MARK4: variants seen among roughly 807,000 people sequenced by gnomAD.
MARK4 encodes the protein MAP/microtubule affinity-regulating kinase 4.
In MARK4, 19 loss-of-function variants were observed where a neutral mutation model predicts 81.5. That is an observed-to-expected ratio of 0.23 (90% CI 0.16 to 0.34). MARK4 has a LOEUF of 0.34. Ranked by LOEUF, MARK4 falls within the 10% of genes least tolerant of loss-of-function variation. The pLI, the probability that MARK4 is intolerant of heterozygous loss-of-function variation, is 1.00. For synonymous variants in MARK4, 436 were observed against 439.0 expected (o/e 0.99, Z 0.08); for missense variants, 772 against 1,058.8 (o/e 0.73, Z 3.76).
rs1160019165 is a variant in MARK4 at position 45,271,435 on chromosome 19, G to A, written c.550-37G>A. On this transcript the variant is annotated intron_variant, in intron 7 of 16. Coordinates refer to ENST00000262891, the MANE Select transcript of MARK4 (RefSeq NM_001199867.2). The surrounding 1 kb of genome is among the most constrained non-coding windows in gnomAD (Gnocchi z 4.1). ...CACGTCCATGAAAGGCTTTGGCCTTGAGTCCCACTTTCCGCCCTCTCCTTC... is the reference window on the plus strand; with the variant it reads ...CACGTCCATGAAAGGCTTTGGCCTTAAGTCCCACTTTCCGCCCTCTCCTTC... The A allele has an allele frequency of 6.2e-7, 1 of 1,600,330 alleles. No individual in the cohort carries two copies. The highest frequency in any genetic ancestry group is 8.5e-7 in the Non-Finnish European group (1 of 1,170,548).
chr19:45,259,278 G>A (rs1970350341), intron 2 of MARK4, 89 bp downstream of exon 2: 1 of 1,458,836 alleles, frequency 6.9e-7, no homozygotes, highest in South Asian at 1.3e-5. Context: ...ATTGGCCCTG[G>A]GTTTGCTTTG....
At chr19:45,266,518 C>A (rs1970456127) in intron 7 of MARK4, among the ~76,000 whole-genome samples, 1 of 151,966 alleles carries the variant, frequency 6.6e-6, no homozygotes, top group Admixed American at 6.6e-5. Flanking sequence ...GTGAACAAAG[C>A]AGGGAGAAAC....
intron 8 of MARK4, among the ~76,000 whole-genome samples, chr19:45,276,326 C>T (rs1970597146): frequency 6.6e-6 from 1 of 152,202 alleles, no homozygotes; most frequent in Non-Finnish European, 1.5e-5. Context: ...CACGCCTGGC[C>T]TATTGCGGTT....
Position 45,301,692 on chromosome 19 carries a change from C to T in MARK4, c.1923-682C>T, listed in dbSNP as rs140445431. Among the ~76,000 whole-genome samples the T allele has an allele frequency of 8.8e-3, 1,337 of 151,220 alleles. 23 individuals are homozygous for T. The highest frequency in any genetic ancestry group is 0.058 in the East Asian group (298 of 5,158). On this transcript the variant is annotated intron_variant, in intron 16 of 16. Coordinates refer to ENST00000262891, the MANE Select transcript of MARK4 (RefSeq NM_001199867.2). ...TGGCTGACACGGTGAAACCGTGTCT[C>T]TACTAAAAATACAAAAATTAGCTGG...
chr19:45,297,991 G>A (rs760215944), intron 15 of MARK4, 37 bp downstream of exon 15: 27 of 1,548,752 alleles, frequency 1.7e-5, no homozygotes, highest in South Asian at 1.3e-4. Flanking sequence ...AGGGCGGGGC[G>A]GGGGGCCGAT....
chr19:45,268,051 C>T (rs1970478687), intron 7 of MARK4, among the ~76,000 whole-genome samples: 2 of 152,104 alleles, frequency 1.3e-5, no homozygotes, highest in East Asian at 1.9e-4. Context: ...CCGCCTTGGC[C>T]TCCCAAAGTG....
intron 12 of MARK4, 54 bp from the exon 13 acceptor site, chr19:45,287,393 T>A: frequency 8.2e-7 from 1 of 1,223,280 alleles, no homozygotes; most frequent in Non-Finnish European, 1.1e-6. Flanking sequence ...TCCCCCAGAG[T>A]CAGTTCTGGG....
At chr19:45,252,096 T>TGGGGCTG (rs1970251284) in intron 1 of MARK4, among the ~76,000 whole-genome samples, 1 of 151,884 alleles carries the variant, frequency 6.6e-6, no homozygotes, top group Non-Finnish European at 1.5e-5. Flanking sequence ...CTTCCCTGTC[T>TGGGGCTG]GGGGCTGGGT....
intron 8 of MARK4, among the ~76,000 whole-genome samples, chr19:45,274,106 G>A (rs931510182): frequency 3.3e-5 from 5 of 152,024 alleles, no homozygotes; most frequent in Admixed American, 6.6e-5. Context: ...AAAATTAGCC[G>A]GGCGTGGTGG....
At chr19:45,292,445 G>C (rs1358876613) in intron 13 of MARK4, among the ~76,000 whole-genome samples, 1 of 152,198 alleles carries the variant, frequency 6.6e-6, no homozygotes, top group Admixed American at 6.5e-5. Flanking sequence ...GGGTCATTGT[G>C]AGGATCTTGT....
At chr19:45,287,773 T>C (rs762890806) in intron 13 of MARK4, 109 bp downstream of exon 13, 24 of 1,229,020 alleles carry the variant, frequency 2.0e-5, no homozygotes, top group Admixed American at 2.0e-5. Flanking sequence ...ACCAACTCCT[T>C]CTTCTACCCA....
chr19:45,266,038 G>A (rs915525894), intron 6 of MARK4, among the ~76,000 whole-genome samples, 187 bp from the exon 7 acceptor site: 5 of 151,926 alleles, frequency 3.3e-5, no homozygotes, highest in African/African-American at 1.2e-4. Flanking sequence ...GGTGTCCTGG[G>A]GGAGACGTGT....
At chr19:45,291,259 G>T (rs946774721) in intron 13 of MARK4, among the ~76,000 whole-genome samples, 2 of 152,194 alleles carry the variant, frequency 1.3e-5, no homozygotes, top group African/African-American at 4.8e-5. Flanking sequence ...CAATGGGTGG[G>T]ATTTGTAGGA....
At chr19:45,282,247 G>T (rs74478524) in intron 12 of MARK4, among the ~76,000 whole-genome samples, 1 of 149,128 alleles carries the variant, frequency 6.7e-6, no homozygotes. Context: ...AAAAAAAAAG[G>T]ATACACACCA....
At chr19:45,254,840 C>T (rs1159390475) in intron 1 of MARK4, among the ~76,000 whole-genome samples, 1 of 152,214 alleles carries the variant, frequency 6.6e-6, no homozygotes, top group Non-Finnish European at 1.5e-5. Context: ...TGGGCTACTG[C>T]AGGAATTAAG....
chr19:45,259,203 C>G lies in MARK4; in HGVS notation c.252+14C>G. On this transcript the variant is annotated intron_variant, in intron 2 of 16. Transcript: ENST00000262891. ...ACTGGTCGGGAGGTGAGTATGGGCA[C>G]AGGGTGGGGCTCGGGGCAGGTCCCT... 21 of 1,613,154 alleles carry G rather than the reference C, an allele frequency of 1.3e-5. No homozygotes were observed. Among genetic ancestry groups the G allele is most frequent in the Non-Finnish European group, 1.7e-5 (20 of 1,179,696 alleles).
rs58592372 is a variant in MARK4 at position 45,277,823 on chromosome 19, TTGTGTGTGTGTGTGTGTG to T, written c.787-70_787-53del. ...TCTATCAAAGGGGTTGGGACAAAGG[TTGTGTGTGTGTGTGTGTG>T]TGTGTGTGTGTGTGTGTGTGTGTGT... is the stretch of plus-strand genomic sequence containing the variant. On this transcript the variant is annotated intron_variant, in intron 8 of 16. Coordinates refer to ENST00000262891, the MANE Select transcript of MARK4 (RefSeq NM_001199867.2). 3.6e-3 allele frequency: 2,645 copies of T among 735,412 alleles called. 8 individuals are homozygous for T. The highest frequency in any genetic ancestry group is 4.6e-3 in the Admixed American group (120 of 26,092). 45.6% of individuals were successfully genotyped at this position (735,412 alleles called of 1,614,324 possible).
At chr19:45,298,246 CT>C in intron 15 of MARK4, 2 of 1,611,576 alleles carry the variant, frequency 1.2e-6, no homozygotes, top group Non-Finnish European at 1.7e-6. Context: ...ATGCCCTGTT[CT>C]CGCTGGCTCT....
At chr19:45,264,574 T>G in intron 4 of MARK4, 110 bp from the exon 5 acceptor site, 1 of 957,610 alleles carries the variant, frequency 1.0e-6, no homozygotes, top group East Asian at 2.4e-5. Context: ...AGCCATTGAG[T>G]GTTGAGTTGG....
Sources: allele counts gnomAD v4.1 joint callset (sites outside exome capture counted in the v4.1 genomes callset), GRCh38; gene constraint gnomAD v4.1.1; non-coding constraint Gnocchi (gnomAD v3.1); transcripts MANE v1.5; gene names NCBI Gene and HGNC (gene_info 2026-07-23, HGNC 2026-07-21).